Variants in SPON2 observed in about 807,000 individuals in gnomAD.
SPON2 encodes the protein spondin-2.
A neutral mutation model predicts 29.9 loss-of-function variants in SPON2; 32 were observed. The observed-to-expected ratio is 1.07, with a 90% CI of 0.81 to 1.44. The LOEUF (loss-of-function observed/expected upper bound fraction) is 1.44, where lower values mean the gene tolerates loss of function less well. Among genes scored for constraint, SPON2 ranks in the 40% most tolerant of loss-of-function variants. The pLI, the probability that SPON2 is intolerant of heterozygous loss-of-function variation, is 0.00. For synonymous variants in SPON2, 248 were observed against 209.1 expected (o/e 1.19, Z -1.61); for missense variants, 541 against 455.5 (o/e 1.19, Z -1.71).
At chr4:1,173,363 C>G (rs892147470), upstream of SPON2, among the ~76,000 whole-genome samples, 1 of 152,108 alleles carries the variant, frequency 6.6e-6, no homozygotes, top group Admixed American at 6.5e-5. Context: ...TGGGGTGGAA[C>G]GCGCAGGGAG....
rs1342925945 is a variant in SPON2, at chr4:1,202,516, TC to T, written c.-234+5363del. On this transcript the variant is annotated intron_variant, in intron 1 of 3. Coordinates refer to the SPON2 transcript ENST00000509233. This position sits in a 1 kb window ranked among gnomAD's most constrained non-coding sequence, Gnocchi z 5.4. ...ACATGAACAGGGGATGATCTTGGAC[TC>T]CCTGCCCACCTTCCAGACACATGGG... 1.3e-5 allele frequency among the ~76,000 whole-genome samples: 2 copies of T among 152,194 alleles called. No individual in the cohort carries two copies. Among genetic ancestry groups the T allele is most frequent in the Non-Finnish European group, 2.9e-5 (2 of 68,028 alleles).
intron 1 of SPON2, chr4:1,201,285 G>A (rs558146557): frequency 3.8e-4 from 145 of 378,826 alleles, no homozygotes; most frequent in Admixed American, 7.3e-4. Context: ...TGAGTGTCCC[G>A]GCCGTGAGTC....
rs777845268 is a variant in SPON2 at position 1,171,939 on chromosome 4, T to C, written c.133A>G (p.Ile45Val). 55 of 1,612,788 alleles carry C rather than the reference T, an allele frequency of 3.4e-5. No homozygotes were observed. The South Asian group carries it at 3.6e-4, about 11-fold the overall frequency. Residue 45 changes from isoleucine to valine, a missense_variant, in exon 2 of 6, where the codon ATC (isoleucine) becomes GTC (valine). Physicochemically the swap from Ile to Val is conservative, Grantham distance 29. Transcript: ENST00000290902. ...TGGCTCCACTTGCCCGTGAAGGTGA[T>C]GCTGTATTTGGCCAGGGCTCTGGCG... ...CSARALAKYS[I>V]TFTGKWSQTA...
upstream of SPON2, among the ~76,000 whole-genome samples, chr4:1,195,487 C>A (rs1728045361): frequency 6.6e-6 from 1 of 151,582 alleles, no homozygotes; most frequent in Non-Finnish European, 1.5e-5. Flanking sequence ...GGCACCTGAA[C>A]CTCCCCCCGC....
At chr4:1,206,620 G>A (rs748727549) in intron 1 of SPON2, among the ~76,000 whole-genome samples, 4 of 152,218 alleles carry the variant, frequency 2.6e-5, no homozygotes, top group Non-Finnish European at 5.9e-5. Flanking sequence ...CGGGCTGAGT[G>A]GGGCTCTTGG....
At chr4:1,188,029 C>A (rs1234159931) in intron 1 of SPON2, among the ~76,000 whole-genome samples, 2 of 151,336 alleles carry the variant, frequency 1.3e-5, no homozygotes, top group African/African-American at 2.4e-5. Flanking sequence ...CGATGAAACA[C>A]CGTCTCTACT....
At position 1,167,477 on chromosome 4, in the gene SPON2, C is replaced by T; in HGVS notation, c.991G>A (p.Val331Ile). 2 of 1,612,774 alleles carry T rather than the reference C, an allele frequency of 1.2e-6. No individual in the cohort carries two copies. The highest frequency in any genetic ancestry group is 1.1e-5 in the South Asian group (1 of 90,950). The change falls in exon 6 of 6, where the codon GTC becomes ATC. Residue 331 changes from valine (V) to isoleucine (I), a missense_variant. Transcript: ENST00000290902. ...GGGGCTGCGGGGCTCTGGTCTTAGA[C>T]GCAGTTATCAGGGACGCACTCAGCC... Reference protein sequence around the residue: ...EEAECVPDNCV With the variant: ...EEAECVPDNCI
intron 1 of SPON2, among the ~76,000 whole-genome samples, chr4:1,179,887 G>A (rs1166450500): frequency 2.0e-5 from 3 of 152,048 alleles, no homozygotes; most frequent in Admixed American, 1.3e-4. Context: ...TTCTCCTGGG[G>A]CTATTGTTGA....
chr4:1,169,233 C>T (rs1401627820), intron 5 of SPON2, among the ~76,000 whole-genome samples: 1 of 152,120 alleles, frequency 6.6e-6, no homozygotes, highest in Admixed American at 6.5e-5. Context: ...CCTCTGCCCA[C>T]GAGGGGCTCT....
At chr4:1,183,118 G>A (rs1727728584) in intron 1 of SPON2, among the ~76,000 whole-genome samples, 1 of 151,898 alleles carries the variant, frequency 6.6e-6, no homozygotes, top group Admixed American at 6.6e-5. Flanking sequence ...GTGCATGCCT[G>A]TAATCCCAGT....
intron 1 of SPON2, among the ~76,000 whole-genome samples, chr4:1,205,822 C>T (rs1035617048): frequency 3.9e-5 from 6 of 152,356 alleles, no homozygotes; most frequent in South Asian, 4.1e-4. Context: ...TGCAGGCCCT[C>T]GGCTGACAAA....
rs546806099 is a variant in SPON2, at chr4:1,167,514, C to G, written c.954G>C (p.Glu318Asp). 14 of 1,613,850 alleles carry G rather than the reference C, an allele frequency of 8.7e-6. No individual in the cohort carries two copies. In the Admixed American group the frequency reaches 2.2e-4, roughly 25 times the overall value. Residue 318 changes from glutamate (E) to aspartate (D), a missense_variant, in exon 6 of 6, where the codon GAG (glutamate) becomes GAC (aspartate). By Grantham distance (45) the Glu-to-Asp change is conservative (BLOSUM62 2). Transcript: ENST00000290902. ...GGACGCACTCAGCCTCTTCTTCGAG[C>G]TCGGGGCAGGGGCTCCCGTTGTTGG... ...QPANNGSPCPELEEEAECVPD... is the reference protein window; with the variant it reads ...QPANNGSPCPDLEEEAECVPD...
upstream of SPON2, among the ~76,000 whole-genome samples, chr4:1,176,744 C>T (rs1003031407): frequency 6.6e-6 from 1 of 151,880 alleles, no homozygotes; most frequent in Non-Finnish European, 1.5e-5. Context: ...ACAGTACATT[C>T]ATGCACTAAT....
At chr4:1,199,413 T>G (rs1324861490), upstream of SPON2, 1 of 152,082 alleles carries the variant, frequency 6.6e-6, no homozygotes, top group Non-Finnish European at 1.5e-5. This position sits in a 1 kb window ranked among gnomAD's most constrained non-coding sequence, Gnocchi z 4.5. Context: ...ATATTAAAAT[T>G]AAAATTAAAA....
exon 1 of SPON2, chr4:1,195,066 T>TCAC (rs1560210826): frequency 4.6e-5 from 1 of 21,934 alleles, no homozygotes; most frequent in Admixed American, 5.5e-4. Context: ...GCAGCCGGCG[T>TCAC]CTCCAACCCC....
rs1256218169 is a variant in SPON2 at position 1,171,353 on chromosome 4, C to T, written c.354G>A (p.Gln118=). 6 of 1,610,580 alleles carry T rather than the reference C, an allele frequency of 3.7e-6. No homozygotes were observed. The East Asian group carries it at 6.7e-5, about 18-fold the overall frequency. Residue 118 remains glutamine (Q), a synonymous_variant, in exon 3 of 6, where the codon CAG becomes CAA. Coordinates refer to ENST00000290902, the MANE Select transcript of SPON2 (RefSeq NM_012445.4). ...KEIEAAGEAL[Q]SVHAVFSAPA... The stretch of plus-strand genomic sequence containing the variant: ...GCGCCGAAAACACCGCGTGCACGCT[C>T]TGCAGCGCCTCCCCCGCCGCCTCGA...
chr4:1,201,226 G>A, intron 1 of SPON2: 1 of 425,898 alleles, frequency 2.3e-6, no homozygotes, highest in South Asian at 1.6e-5. Flanking sequence ...AAGAGGGGGT[G>A]GGTCTGGCCC....
At chr4:1,175,661 C>T (rs1318263874), upstream of SPON2, among the ~76,000 whole-genome samples, 2 of 148,414 alleles carry the variant, frequency 1.3e-5, no homozygotes, top group East Asian at 4.0e-4. Flanking sequence ...AGGCCCAGGC[C>T]TCGGGGGCTT....
upstream of SPON2, among the ~76,000 whole-genome samples, chr4:1,174,282 C>A (rs1727544298): frequency 6.6e-6 from 1 of 151,902 alleles, no homozygotes; most frequent in Non-Finnish European, 1.5e-5. Flanking sequence ...AGGTCAGGAA[C>A]TCGAGACCAG....
Sources: gnomAD v4.1 joint callset for allele counts (sites outside exome capture counted in the v4.1 genomes callset) on GRCh38, gnomAD v4.1.1 for gene constraint, Gnocchi (gnomAD v3.1) non-coding constraint, MANE v1.5 for transcripts, NCBI Gene and HGNC (gene_info 2026-07-23, HGNC 2026-07-21) for gene names.